Variants in SRPK2 observed in about 807,000 individuals in gnomAD.
SRPK2 encodes SRSF protein kinase 2, also known as SFRS protein kinase 2.
A neutral mutation model predicts 90.8 loss-of-function variants in SRPK2; 21 were observed. That is an observed-to-expected ratio of 0.23 (90% CI 0.16 to 0.33). The LOEUF (loss-of-function observed/expected upper bound fraction) is 0.33, where lower values mean the gene tolerates loss of function less well. SRPK2 is among the 10% of genes least tolerant of loss of function. SRPK2 has a pLI of 1.00. For missense variants in SRPK2, 620 were observed against 869.0 expected (o/e 0.71, Z 3.60); for synonymous variants, 288 against 311.1 (o/e 0.93, Z 0.78).
At chr7:105,341,865 G>A (rs1815835508) in intron 2 of SRPK2, among the ~76,000 whole-genome samples, 1 of 152,088 alleles carries the variant, frequency 6.6e-6, no homozygotes, top group Non-Finnish European at 1.5e-5. Context: ...TACTCGGAAC[G>A]CTGAGACAGG....
intron 2 of SRPK2, among the ~76,000 whole-genome samples, chr7:105,233,340 G>T (rs1432071113): frequency 2.0e-5 from 3 of 152,126 alleles, no homozygotes; most frequent in Admixed American, 1.3e-4. Flanking sequence ...AGACTTCATG[G>T]TAGCAATAAA....
chr7:105,134,539 C>A (rs182841652), intron 11 of SRPK2, among the ~76,000 whole-genome samples: 1 of 152,350 alleles, frequency 6.6e-6, no homozygotes, highest in East Asian at 1.9e-4. Context: ...ATATAAACAC[C>A]TACCTAGGAG....
chr7:105,249,466 A>T (rs532024273), intron 2 of SRPK2, among the ~76,000 whole-genome samples: 27 of 152,328 alleles, frequency 1.8e-4, no homozygotes, highest in African/African-American at 6.3e-4. Context: ...ATAATTTAAA[A>T]TAATCATTCT....
rs765544583 is a variant in SRPK2 at position 105,159,448 on chromosome 7, C to CAAAAAAAAAAAAAAAAA, written c.621+1042_621+1058dup. Among the ~76,000 whole-genome samples the CAAAAAAAAAAAAAAAAA allele has an allele frequency of 6.1e-3, 201 of 33,108 alleles. 35 individuals carry two copies. The highest frequency in any genetic ancestry group is 8.8e-3 in the Non-Finnish European group (140 of 15,884). 21.7% of individuals were successfully genotyped at this position (33,108 alleles called of 152,430 possible). A position where few individuals can be genotyped will look rare whatever the true frequency, so the allele number is the denominator to read the frequency against. On this transcript the variant is annotated intron_variant, in intron 7 of 15. Transcript: ENST00000393651. ...GGGTGACAGAGCGAGACTCCGTCTC[C>CAAAAAAAAAAAAAAAAA]AAAAAAAAAAAAAAAAAAAAAAAAA...
At chr7:105,247,776 GT>G (rs1419366991) in intron 2 of SRPK2, among the ~76,000 whole-genome samples, 2 of 151,820 alleles carry the variant, frequency 1.3e-5, no homozygotes, top group Non-Finnish European at 2.9e-5. Context: ...GCCCAGGCTG[GT>G]TTTGAACTCC....
At chr7:105,170,999 A>G (rs1037103000) in intron 3 of SRPK2, among the ~76,000 whole-genome samples, 11 of 130,242 alleles carry the variant, frequency 8.4e-5, no homozygotes, top group African/African-American at 2.9e-4. Context: ...AAGAAAGAGA[A>G]AGAAAGAAAG....
At chr7:105,170,965 AAG>A (rs5886348) in intron 3 of SRPK2, among the ~76,000 whole-genome samples, 13,137 of 30,848 alleles carry the variant, frequency 0.43, 2,213 homozygotes, top group South Asian at 0.48. Context: ...GAAAGAAAGA[AAG>A]AGAAAGAAAG....
chr7:105,150,860 TGTCA>T (rs1419079553), intron 7 of SRPK2, among the ~76,000 whole-genome samples: 10 of 152,228 alleles, frequency 6.6e-5, no homozygotes. Context: ...AAGGTAAAAA[TGTCA>T]GTATCTTTCT....
At chr7:105,160,938 AT>A (rs56844894) in intron 6 of SRPK2, among the ~76,000 whole-genome samples, 2 of 150,630 alleles carry the variant, frequency 1.3e-5, no homozygotes, top group African/African-American at 2.4e-5. Flanking sequence ...CTTTATTTTT[AT>A]TTTTTTTTGA....
intron 2 of SRPK2, among the ~76,000 whole-genome samples, chr7:105,226,968 A>T (rs1798790819): frequency 6.6e-6 from 1 of 152,162 alleles, no homozygotes; most frequent in African/African-American, 2.4e-5. Flanking sequence ...AGAGAGAGCG[A>T]GCAGTGATTT....
At chr7:105,322,395 C>T (rs1176731206) in intron 2 of SRPK2, among the ~76,000 whole-genome samples, 2 of 151,978 alleles carry the variant, frequency 1.3e-5, no homozygotes, top group Non-Finnish European at 2.9e-5. Context: ...TCAGCCTGGG[C>T]GACAGAGTGA....
intron 2 of SRPK2, among the ~76,000 whole-genome samples, chr7:105,232,019 A>G (rs1037387347): frequency 6.6e-6 from 1 of 152,062 alleles, no homozygotes; most frequent in Non-Finnish European, 1.5e-5. Flanking sequence ...CAACACACCC[A>G]GGAAATTTTA....
intron 2 of SRPK2, among the ~76,000 whole-genome samples, chr7:105,271,446 C>G (rs1257084341): frequency 6.6e-6 from 1 of 152,200 alleles, no homozygotes; most frequent in Non-Finnish European, 1.5e-5. Context: ...ACTCAGAAAT[C>G]AAGGAACGTT....
chr7:105,122,451 G>A (rs1232386889), intron 15 of SRPK2, among the ~76,000 whole-genome samples: 1 of 152,194 alleles, frequency 6.6e-6, no homozygotes, highest in East Asian at 1.9e-4. Flanking sequence ...ATCTGATGGA[G>A]GGATAAACAA....
chr7:105,203,866 G>A, intron 2 of SRPK2, 81 bp from the exon 3 acceptor site: 1 of 1,478,586 alleles, frequency 6.8e-7, no homozygotes, highest in South Asian at 1.3e-5. Context: ...TCTTAATATG[G>A]GGGAAAAAAT....
chr7:105,182,007 T>A (rs1792917777), intron 3 of SRPK2, among the ~76,000 whole-genome samples: 1 of 150,730 alleles, frequency 6.6e-6, no homozygotes, highest in Non-Finnish European at 1.5e-5. Context: ...GGCGGGTGGA[T>A]CACTTGAGGT....
intron 2 of SRPK2, among the ~76,000 whole-genome samples, chr7:105,263,322 C>CAA (rs879485980): frequency 2.2e-5 from 3 of 134,460 alleles, no homozygotes; most frequent in African/African-American, 5.5e-5. Flanking sequence ...AACTCCATTT[C>CAA]AAAAAAAAAA....
At chr7:105,381,657 C>T (rs975468579) in intron 2 of SRPK2, among the ~76,000 whole-genome samples, 4 of 152,096 alleles carry the variant, frequency 2.6e-5, no homozygotes, top group Admixed American at 6.6e-5. Context: ...GTATTTGCTT[C>T]GTGTCCATTT....
chr7:105,343,632 TCTAA>T (rs142862293), intron 2 of SRPK2, among the ~76,000 whole-genome samples: 2,927 of 152,342 alleles, frequency 0.019, 97 homozygotes, highest in African/African-American at 0.065. Context: ...ACATACGTTT[TCTAA>T]CTAACAGTGC....
Sources: gnomAD v4.1 joint callset for allele counts (sites outside exome capture counted in the v4.1 genomes callset) on GRCh38, gnomAD v4.1.1 for gene constraint, MANE v1.5 for transcripts, NCBI Gene and HGNC (gene_info 2026-07-23, HGNC 2026-07-21) for gene names.